The following PPFIA4 variants were observed in gnomAD, a reference collection of about 807,000 sequenced individuals.
PPFIA4 encodes PPFI scaffold protein A4, also known as liprin-alpha-4.
Under a neutral mutation model 145.7 loss-of-function variants are expected in PPFIA4, and 98 were observed. The observed-to-expected ratio is 0.67, with a 90% confidence interval of 0.57 to 0.80. The LOEUF (loss-of-function observed/expected upper bound fraction) is 0.80. PPFIA4 is among the 30% of genes least tolerant of loss of function. The probability of loss-of-function intolerance (pLI) is 0.00; values close to 1 mark genes in which losing one functional copy is unlikely to be tolerated. For synonymous variants in PPFIA4, 628 were observed against 649.6 expected (o/e 0.97, Z 0.51); for missense variants, 1,457 against 1,632.7 (o/e 0.89, Z 1.85).
intron 1 of PPFIA4, among the ~76,000 whole-genome samples, chr1:203,036,059 C>G (rs979947955): frequency 6.6e-6 from 1 of 152,222 alleles, no homozygotes; most frequent in Non-Finnish European, 1.5e-5. Flanking sequence ...TAGCCAGTAC[C>G]TCACAGTGGG....
Position 203,075,427 on chromosome 1 carries a change from G to T in PPFIA4, c.3394-150G>T. ...TCACTGTACAGATGGAAAAACTCAA[G>T]GCTAGAAAGGGGAAGTGACCTCGCT... On this transcript the variant is annotated intron_variant, in intron 28 of 29. Transcript: ENST00000295706. The surrounding 1 kb of genome is among the most constrained non-coding windows in gnomAD (Gnocchi z 4.1). 1.9e-6 allele frequency: 1 copy of T among 521,290 alleles called. No individual in the cohort carries two copies. Among genetic ancestry groups the T allele is most frequent in the Non-Finnish European group, 2.9e-6 (1 of 339,624 alleles). 32.3% of individuals were successfully genotyped at this position (521,290 alleles called of 1,614,324 possible). A position where few individuals can be genotyped will look rare whatever the true frequency, so the allele number is the denominator to read the frequency against.
At chr1:203,050,427 G>A (rs543573971) in intron 13 of PPFIA4, among the ~76,000 whole-genome samples, 3 of 152,304 alleles carry the variant, frequency 2.0e-5, no homozygotes, top group South Asian at 4.1e-4. Context: ...AGAGAGGTGG[G>A]GTGAAGACAG....
In PPFIA4 at chr1:203,055,215, A is replaced by G. The variant is rs1261416757; in HGVS notation, c.1830-217A>G. ...CAGGATGGTTTATGTTCCACTGACG[A>G]AAGTGCCTCCTTCCCCAGCAGCTGC... On this transcript the variant is annotated intron_variant, in intron 15 of 29. Coordinates refer to ENST00000295706, the MANE Select transcript of PPFIA4 (RefSeq NM_001304331.2). This position sits in a 1 kb window ranked among gnomAD's most constrained non-coding sequence, Gnocchi z 4.8. Among the ~76,000 whole-genome samples the G allele has an allele frequency of 1.3e-5, 2 of 152,262 alleles. No homozygotes were observed. Among genetic ancestry groups the G allele is most frequent in the Non-Finnish European group, 2.9e-5 (2 of 68,048 alleles).
In PPFIA4 at chr1:203,039,043, ACCGCCTGGGTCCC is replaced by A. The variant is rs774877687; in HGVS notation, c.38_50del (p.Arg13LeufsTer13). 3.2e-6 allele frequency: 5 copies of A among 1,574,328 alleles called. No individual in the cohort carries two copies. The South Asian group carries it at 5.9e-5, about 18-fold the overall frequency. On this transcript the variant is annotated frameshift_variant, in exon 2 of 30. Transcript: ENST00000295706. LOFTEE classifies it high-confidence loss of function. ...GTGATGCCCACAATCAATGAGGGGGACCGCCTGGGTCCCCCTCATGGCGCCGATGCTGACGCCA... is the reference window on the plus strand; with the variant it reads ...GTGATGCCCACAATCAATGAGGGGGACCTCATGGCGCCGATGCTGACGCCA...
chr1:203,069,762 C>T lies in PPFIA4; in HGVS notation c.3324+1134C>T, dbSNP rs552798405. On this transcript the variant is annotated intron_variant, in intron 27 of 29. Coordinates refer to ENST00000295706, the MANE Select transcript of PPFIA4 (RefSeq NM_001304331.2). ...TGTAGGCATTCTGCAGTGACCCCCC[C>T]GCCCCGCCCCCACCCCAACCAGTCA... 1.8e-4 allele frequency among the ~76,000 whole-genome samples: 23 copies of T among 127,428 alleles called. 1 individual carries two copies. The East Asian group carries it at 3.2e-3, about 18-fold the overall frequency. 83.6% of individuals were successfully genotyped at this position (127,428 alleles called of 152,430 possible). A position where few individuals can be genotyped will look rare whatever the true frequency, so the allele number is the denominator to read the frequency against.
At chr1:203,072,179 C>A (rs1299521543) in intron 28 of PPFIA4, among the ~76,000 whole-genome samples, 1 of 152,208 alleles carries the variant, frequency 6.6e-6, no homozygotes, top group Non-Finnish European at 1.5e-5. Context: ...AGATTCCAGC[C>A]TGTCCTCCAG....
In PPFIA4 at chr1:203,060,147, C is replaced by G. The variant is rs995504840; in HGVS notation, c.2584-70C>G. 1 of 1,514,184 alleles carries G rather than the reference C, an allele frequency of 6.6e-7. No homozygotes were observed. The highest frequency in any genetic ancestry group is 9.0e-7 in the Non-Finnish European group (1 of 1,106,448). The allele number at this position is 1,514,184 out of a possible 1,614,324, so 93.8% of individuals were successfully genotyped here. A position where few individuals can be genotyped will look rare whatever the true frequency, so the allele number is the denominator to read the frequency against. ...CGTGGATGAGGCCTGGCCCTTGCCC[C>G]TTGCTGTTGCCAAACTCTTGGTGGT... On this transcript the variant is annotated intron_variant, in intron 21 of 29. Transcript: ENST00000295706. This position sits in a 1 kb window ranked among gnomAD's most constrained non-coding sequence, Gnocchi z 4.8.
rs191180399 is a variant in PPFIA4 at position 203,051,926 on chromosome 1, G to A, written c.1620+49G>A. 1.9e-3 allele frequency: 2,950 copies of A among 1,579,966 alleles called. 3 individuals carry two copies. Among genetic ancestry groups the A allele is most frequent in the Non-Finnish European group, 2.4e-3 (2,780 of 1,160,448 alleles). On this transcript the variant is annotated intron_variant, in intron 14 of 29. Coordinates refer to ENST00000295706, the MANE Select transcript of PPFIA4 (RefSeq NM_001304331.2). Reference sequence around the variant, plus strand: ...CAGGGAGTTTGGGGTCAATTCGGCCGCGTGCCTGGCTCCAGTTACGCAGAC... The same window carrying A: ...CAGGGAGTTTGGGGTCAATTCGGCCACGTGCCTGGCTCCAGTTACGCAGAC...
intron 8 of PPFIA4, 63 bp downstream of exon 8, chr1:203,046,050 C>T: frequency 6.2e-7 from 1 of 1,605,140 alleles, no homozygotes; most frequent in Non-Finnish European, 8.5e-7. Flanking sequence ...TCCTCGTGAA[C>T]CTACTGGTGA....
At position 203,063,991 on chromosome 1, in the gene PPFIA4, A is replaced by T. The variant is rs1189313426; in HGVS notation, c.3038A>T (p.Asp1013Val). 1 of 1,613,254 alleles carries T rather than the reference A, an allele frequency of 6.2e-7. No homozygotes were observed. Residue 1013 changes from aspartate (D) to valine (V), a missense_variant, in exon 25 of 30, where the codon GAC becomes GTC. Transcript: ENST00000295706. ...CTGCGGGTCCACCTGAAGATGGTGG[A>T]CAGCTTCCATCGGTGAGCGCGGCTG... is the stretch of plus-strand genomic sequence containing the variant. ...KDLRVHLKMV[D>V]SFHRTSLQYG... is the part of the protein sequence containing the mutation.
intron 1 of PPFIA4, among the ~76,000 whole-genome samples, chr1:203,028,643 G>T (rs939084520): frequency 1.3e-5 from 2 of 151,778 alleles, no homozygotes; most frequent in African/African-American, 4.8e-5. Flanking sequence ...GGTATGGGGT[G>T]TGTGTGTGTG....
Position 203,043,964 on chromosome 1 carries a change from C to T in PPFIA4, c.370C>T (p.Arg124Cys), listed in dbSNP as rs377268171. Residue 124 changes from arginine (R) to cysteine (C), a missense_variant, in exon 4 of 30, where the codon CGC becomes TGC. Arg to Cys is a radical substitution (Grantham distance 180, BLOSUM62 -3). Transcript: ENST00000295706. The surrounding 1 kb of genome is among the most constrained non-coding windows in gnomAD (Gnocchi z 4.4). ...LLEHLECLVS[R>C]HERSLRMTVV... is the part of the protein sequence containing the mutation. ...GGAACATCTGGAGTGCCTGGTGTCC[C>T]GCCATGAACGGTCACTGCGGATGAC... The T allele has an allele frequency of 1.5e-5, 24 of 1,610,170 alleles. No homozygotes were observed. Among genetic ancestry groups the T allele is most frequent in the East Asian group, 4.5e-5 (2 of 44,794 alleles).
chr1:203,056,561 C>T (rs1351572175), intron 18 of PPFIA4, 53 bp downstream of exon 18: 2 of 1,587,876 alleles, frequency 1.3e-6, no homozygotes, highest in Non-Finnish European at 1.7e-6. Context: ...GTCCTCTCCT[C>T]CCTTCCTCTG....
intron 1 of PPFIA4, among the ~76,000 whole-genome samples, chr1:203,038,088 C>T (rs1417522742): frequency 1.3e-5 from 2 of 152,316 alleles, no homozygotes; most frequent in South Asian, 2.1e-4. Flanking sequence ...GTATCCAGGG[C>T]AGGAACTACT....
chr1:203,055,676 A>G lies in PPFIA4; in HGVS notation c.2070+4A>G. On this transcript the variant is annotated splice_donor_region_variant and intron_variant, in intron 16 of 29. Transcript: ENST00000295706. This position sits in a 1 kb window ranked among gnomAD's most constrained non-coding sequence, Gnocchi z 4.8. ...CCGAATGGGGGTCATGACCCTGGTG[A>G]GAGGCAGCTGAGGAGCAGGCCTGGC... The G allele has an allele frequency of 6.2e-7, 1 of 1,613,450 alleles. No individual in the cohort carries two copies. The highest frequency in any genetic ancestry group is 8.5e-7 in the Non-Finnish European group (1 of 1,179,500).
At chr1:203,045,742 T>G (rs1660033976) in intron 7 of PPFIA4, 99 bp from the exon 8 acceptor site, 4 of 1,568,614 alleles carry the variant, frequency 2.6e-6, no homozygotes, top group Non-Finnish European at 3.5e-6. Context: ...CTCATGCCCC[T>G]TAATGGGTTC....
chr1:203,052,045 G>GCCCCCT (rs1553257053), intron 14 of PPFIA4, among the ~76,000 whole-genome samples, 168 bp downstream of exon 14: 1 of 103,030 alleles, frequency 9.7e-6, no homozygotes, highest in African/African-American at 3.8e-5. Flanking sequence ...CAACAGCTGT[G>GCCCCCT]CCCCCCCCCC....
intron 16 of PPFIA4, 37 bp from the exon 17 acceptor site, chr1:203,056,083 G>C (rs1432770477): frequency 2.5e-6 from 4 of 1,613,564 alleles, no homozygotes; most frequent in Non-Finnish European, 2.5e-6. Flanking sequence ...GGCACCCAGA[G>C]GGTGAGTCTG....
intron 14 of PPFIA4, among the ~76,000 whole-genome samples, chr1:203,052,317 G>A (rs1345265523): frequency 6.6e-6 from 1 of 152,192 alleles, no homozygotes; most frequent in Non-Finnish European, 1.5e-5. Context: ...TTTCCGAGAA[G>A]CAGCTGTGAG....
Sources: allele counts gnomAD v4.1 joint callset (sites outside exome capture counted in the v4.1 genomes callset), GRCh38; gene constraint gnomAD v4.1.1; non-coding constraint Gnocchi (gnomAD v3.1); transcripts MANE v1.5; gene names NCBI Gene and HGNC (gene_info 2026-07-23, HGNC 2026-07-21).